The following RYR2 variants were observed in gnomAD, a reference collection of about 807,000 sequenced individuals.
The protein encoded by RYR2 is cardiac muscle ryanodine receptor-calcium release channel.
A neutral mutation model predicts 601.1 loss-of-function variants in RYR2; 227 were observed. That is an observed-to-expected ratio of 0.38 (90% confidence interval 0.34 to 0.42). The LOEUF (loss-of-function observed/expected upper bound fraction) is 0.42, where lower values mean the gene tolerates loss of function less well. Among genes scored for constraint, RYR2 ranks in the 10% least tolerant of loss-of-function variants. RYR2 has a pLI of 1.00. For missense variants in RYR2, 4,646 were observed against 6,156.5 expected (o/e 0.75, Z 8.21); for synonymous variants, 2,223 against 2,175.1 (o/e 1.02, Z -0.61).
chr1:237,049,564 C>G (rs1180821233), intron 1 of RYR2, among the ~76,000 whole-genome samples: 1 of 152,116 alleles, frequency 6.6e-6, no homozygotes, highest in African/African-American at 2.4e-5. Flanking sequence ...ATGAGCATAA[C>G]AAAATCTCAC....
chr1:237,499,840 T>C (rs971161531), intron 20 of RYR2, among the ~76,000 whole-genome samples: 2 of 152,354 alleles, frequency 1.3e-5, no homozygotes, highest in Admixed American at 1.3e-4. Context: ...TTTATGAGCA[T>C]GTGTGTTTGG....
chr1:237,209,075 TA>T (rs60681534), intron 1 of RYR2, among the ~76,000 whole-genome samples: 33,746 of 138,818 alleles, frequency 0.24, 5,016 homozygotes, highest in East Asian at 0.41. Flanking sequence ...CACTTATATA[TA>T]AAAATATAGG....
At chr1:237,159,242 G>T (rs1675736847) in intron 1 of RYR2, among the ~76,000 whole-genome samples, 1 of 152,020 alleles carries the variant, frequency 6.6e-6, no homozygotes, top group South Asian at 2.1e-4. Context: ...AGTGAGCCGA[G>T]ATCATGCCGT....
rs531805410 is a variant in RYR2, at chr1:237,126,987, T to A, written c.48+84418T>A. Among the ~76,000 whole-genome samples, 4 of 151,968 alleles carry A rather than the reference T, an allele frequency of 2.6e-5. No individual in the cohort carries two copies. The East Asian group carries it at 7.8e-4, about 30-fold the overall frequency. ...TGAGATTAGGGAGTGGTGATGACTCTTAACGAGCATGCTGCCTTCAAGCAT... is the reference window on the plus strand; with the variant it reads ...TGAGATTAGGGAGTGGTGATGACTCATAACGAGCATGCTGCCTTCAAGCAT... On this transcript the variant is annotated intron_variant, in intron 1 of 104. Transcript: ENST00000366574.
At chr1:237,201,160 C>T (rs1405704988) in intron 1 of RYR2, among the ~76,000 whole-genome samples, 2 of 152,194 alleles carry the variant, frequency 1.3e-5, no homozygotes, top group East Asian at 3.9e-4. Context: ...TTGACAATGA[C>T]TAGACCAAGA....
At chr1:237,211,014 A>G (rs1682513116) in intron 1 of RYR2, among the ~76,000 whole-genome samples, 1 of 126,002 alleles carries the variant, frequency 7.9e-6, no homozygotes, top group Non-Finnish European at 1.9e-5. Context: ...TTTGTCAGGG[A>G]CGATGTTTGG....
At chr1:237,365,990 G>C (rs760858255) in intron 5 of RYR2, among the ~76,000 whole-genome samples, 7 of 152,244 alleles carry the variant, frequency 4.6e-5, no homozygotes, top group Non-Finnish European at 8.8e-5. Context: ...GATCTGGAAA[G>C]GTTAGAATTG....
Position 237,812,419 on chromosome 1 carries a change from C to A in RYR2, c.14433+3384C>A, listed in dbSNP as rs964303602. Reference sequence around the variant, plus strand: ...CTGGGATCCTCCAAGAAAAGAGTGCCCCAGAAATTCCAGAAGTTTTGGAAA... The same window carrying A: ...CTGGGATCCTCCAAGAAAAGAGTGCACCAGAAATTCCAGAAGTTTTGGAAA... On this transcript the variant is annotated intron_variant, in intron 100 of 104. Transcript: ENST00000366574. Among the ~76,000 whole-genome samples, 14 of 152,186 alleles carry A rather than the reference C, an allele frequency of 9.2e-5. 1 individual carries two copies. The South Asian group carries it at 2.1e-3, about 23-fold the overall frequency.
In RYR2 at chr1:237,550,001, AGTCATTTTAGTGCCCCTGGC is replaced by A. The variant is rs1459778473; in HGVS notation, c.3067-542_3067-523del. ...ACAATAGACAAGTTATGGGTTTCAT[AGTCATTTTAGTGCCCCTGGC>A]ATTGCCGGGTTTCACTGGTTGGTGG... On this transcript the variant is annotated intron_variant, in intron 26 of 104. Coordinates refer to ENST00000366574, the MANE Select transcript of RYR2 (RefSeq NM_001035.3). 3.2e-3 allele frequency among the ~76,000 whole-genome samples: 489 copies of A among 152,302 alleles called. 1 individual carries two copies. The highest frequency in any genetic ancestry group is 0.011 in the African/African-American group (460 of 41,562).
At chr1:237,622,352 C>T (rs1363150272) in intron 38 of RYR2, among the ~76,000 whole-genome samples, 7 of 152,050 alleles carry the variant, frequency 4.6e-5, no homozygotes, top group Non-Finnish European at 1.0e-4. Flanking sequence ...CTCCAAAATC[C>T]AAAACATTTT....
At chr1:237,634,717 T>G (rs938107728) in intron 43 of RYR2, among the ~76,000 whole-genome samples, 172 bp from the exon 44 acceptor site, 2 of 147,302 alleles carry the variant, frequency 1.4e-5, no homozygotes, top group African/African-American at 5.2e-5. Flanking sequence ...TATATACAAT[T>G]TTTATTTGTC....
At chr1:237,551,691 T>C (rs1051649553) in intron 27 of RYR2, among the ~76,000 whole-genome samples, 4 of 152,222 alleles carry the variant, frequency 2.6e-5, no homozygotes, top group Non-Finnish European at 5.9e-5. Flanking sequence ...GATGGAAAGT[T>C]TTAAAAATGT....
chr1:237,166,523 A>G (rs569593178), intron 1 of RYR2, among the ~76,000 whole-genome samples: 59 of 152,106 alleles, frequency 3.9e-4, no homozygotes, highest in African/African-American at 1.4e-3. Context: ...GTGAAACTCT[A>G]TAGTAAGTGA....
intron 2 of RYR2, among the ~76,000 whole-genome samples, chr1:237,307,332 C>T (rs1693976421): frequency 6.6e-6 from 1 of 152,184 alleles, no homozygotes; most frequent in Non-Finnish European, 1.5e-5. Flanking sequence ...CTTCTAACTA[C>T]AGCATGACAA....
At chr1:237,157,295 C>CAAAAAAAAAAAAAAAAAAAAAA (rs33922740) in intron 1 of RYR2, among the ~76,000 whole-genome samples, 4 of 63,506 alleles carry the variant, frequency 6.3e-5, no homozygotes, top group South Asian at 8.4e-4. Context: ...GACTCCATCT[C>CAAAAAAAAAAAAAAAAAAAAAA]AAAAAAAAAA....
rs1487785475 is a variant in RYR2 at position 237,617,411 on chromosome 1, C to T, written c.5841C>T (p.Val1947=). ...QDNQRFRYNE[V]MQALNMSAAL... is the part of the protein sequence containing the mutation. ...ATCAACGTTTCCGATACAACGAAGT[C>T]ATGCAAGCCTTAAACATGTCAGCTG... The change falls in exon 38 of 105, where the codon GTC becomes GTT. Residue 1947 remains valine (V), a synonymous_variant. Transcript: ENST00000366574. 6.2e-7 allele frequency: 1 copy of T among 1,613,986 alleles called. No individual in the cohort carries two copies. Among genetic ancestry groups the T allele is most frequent in the Non-Finnish European group, 8.5e-7 (1 of 1,179,872 alleles).
chr1:237,540,901 A>G (rs1669186050), intron 25 of RYR2, among the ~76,000 whole-genome samples: 1 of 129,434 alleles, frequency 7.7e-6, no homozygotes, highest in East Asian at 2.7e-4. Context: ...TGGTTGATGC[A>G]TGTGTGTGTG....
At chr1:237,628,247 T>A (rs1232865710) in intron 41 of RYR2, among the ~76,000 whole-genome samples, 167 bp downstream of exon 41, 2 of 152,144 alleles carry the variant, frequency 1.3e-5, no homozygotes, top group African/African-American at 4.8e-5. Context: ...TACTTTAAGT[T>A]TTATGGTACA....
chr1:237,083,036 G>C (rs1665912617), intron 1 of RYR2, among the ~76,000 whole-genome samples: 1 of 152,152 alleles, frequency 6.6e-6, no homozygotes, highest in African/African-American at 2.4e-5. Context: ...TGCCCGTTCA[G>C]AATTATAGCC....
Sources: allele counts gnomAD v4.1 joint callset (sites outside exome capture counted in the v4.1 genomes callset), GRCh38; gene constraint gnomAD v4.1.1; transcripts MANE v1.5; gene names NCBI Gene and HGNC (gene_info 2026-07-23, HGNC 2026-07-21).